DOK6: variants seen among roughly 807,000 people sequenced by gnomAD.
DOK6 encodes the protein downstream of tyrosine kinase 6.
In DOK6, 22 loss-of-function variants were observed where a neutral mutation model predicts 44.0. The ratio of observed to expected loss-of-function variants is 0.50; its 90% CI spans 0.36 to 0.71. DOK6 has a LOEUF of 0.71. Ranked by LOEUF, DOK6 falls within the 30% of genes least tolerant of loss-of-function variation. The pLI is 0.00. For missense variants in DOK6, 340 were observed against 416.4 expected (o/e 0.82, Z 1.60); for synonymous variants, 166 against 145.5 (o/e 1.14, Z -1.01).
intron 6 of DOK6, among the ~76,000 whole-genome samples, chr18:69,751,913 A>G (rs1979192802): frequency 6.6e-6 from 1 of 152,154 alleles, no homozygotes; most frequent in Admixed American, 6.5e-5. Flanking sequence ...TTATGTAAAA[A>G]AGGAAATAAA....
chr18:69,645,135 A>G (rs1200168296), intron 3 of DOK6, among the ~76,000 whole-genome samples: 2 of 152,190 alleles, frequency 1.3e-5, no homozygotes, highest in East Asian at 3.9e-4. Context: ...TTAATATGAT[A>G]CAATGTGTGT....
chr18:69,556,976 T>A (rs983845466), intron 1 of DOK6, among the ~76,000 whole-genome samples: 5 of 152,214 alleles, frequency 3.3e-5, no homozygotes, highest in African/African-American at 1.2e-4. Flanking sequence ...CATAAACCTG[T>A]AAATAACTCT....
chr18:69,468,245 A>T (rs1029674608), intron 1 of DOK6, among the ~76,000 whole-genome samples: 3 of 152,182 alleles, frequency 2.0e-5, no homozygotes, highest in African/African-American at 7.2e-5. Flanking sequence ...CAAATAATGA[A>T]TACTTATTTA....
chr18:69,811,134 G>T (rs188057776), intron 7 of DOK6, among the ~76,000 whole-genome samples: 68 of 152,076 alleles, frequency 4.5e-4, no homozygotes, highest in African/African-American at 1.5e-3. Context: ...GGCTTTAGAA[G>T]GAAATCCACC....
At chr18:69,734,544 T>A (rs1269952118) in intron 5 of DOK6, among the ~76,000 whole-genome samples, 2 of 152,198 alleles carry the variant, frequency 1.3e-5, no homozygotes. Context: ...TAATTAAACG[T>A]TAAATTTTAA....
intron 7 of DOK6, among the ~76,000 whole-genome samples, chr18:69,760,948 A>C (rs544374876): frequency 4.2e-4 from 41 of 97,228 alleles, no homozygotes; most frequent in African/African-American, 2.0e-3. Flanking sequence ...AATTATTACT[A>C]CTCCTGAAAT....
At chr18:69,697,635 A>AAT (rs755700439) in intron 4 of DOK6, among the ~76,000 whole-genome samples, 1 of 152,098 alleles carries the variant, frequency 6.6e-6, no homozygotes, top group South Asian at 2.1e-4. Flanking sequence ...CAAAAAAAAA[A>AAT]ATCTATTTAA....
At chr18:69,691,645 A>C (rs1218477540) in intron 4 of DOK6, among the ~76,000 whole-genome samples, 1 of 152,222 alleles carries the variant, frequency 6.6e-6, no homozygotes, top group Non-Finnish European at 1.5e-5. Context: ...TGTGATAGCC[A>C]AACAAGGAGA....
Position 69,401,156 on chromosome 18 carries a change from A to C in DOK6, c.-89A>C. On this transcript the variant is annotated 5_prime_UTR_variant, in exon 1 of 8. It removes an upstream start codon present in the reference 5' UTR. Transcript: ENST00000382713. ...GCTGCTGCTGGCGGCGGCCGGCTGG[A>C]TGCGAGACCCGCGCAGACCCGGCGG... is the stretch of plus-strand genomic sequence containing the variant. 1 of 1,318,158 alleles carries C rather than the reference A, an allele frequency of 7.6e-7. No homozygotes were observed. Among genetic ancestry groups the C allele is most frequent in the Non-Finnish European group, 9.8e-7 (1 of 1,015,486 alleles). 81.7% of individuals were successfully genotyped at this position (1,318,158 alleles called of 1,614,324 possible). A position where few individuals can be genotyped will look rare whatever the true frequency, so the allele number is the denominator to read the frequency against.
chr18:69,401,366 G>T, intron 1 of DOK6, 56 bp downstream of exon 1: 1 of 1,392,348 alleles, frequency 7.2e-7, no homozygotes, highest in Non-Finnish European at 9.4e-7. Context: ...CCGGCTGGCT[G>T]CCTGGGGGGG....
chr18:69,593,516 T>C (rs1467255706), intron 2 of DOK6, among the ~76,000 whole-genome samples: 1 of 152,228 alleles, frequency 6.6e-6, no homozygotes, highest in Non-Finnish European at 1.5e-5. Context: ...AAACCTTGCA[T>C]TATTCTAAAA....
At chr18:69,473,629 C>T (rs996249768) in intron 1 of DOK6, among the ~76,000 whole-genome samples, 1 of 152,286 alleles carries the variant, frequency 6.6e-6, no homozygotes, top group Middle Eastern at 3.4e-3. Context: ...CATAGTGGCT[C>T]GCTGGCAGAC....
intron 7 of DOK6, among the ~76,000 whole-genome samples, chr18:69,808,273 T>C (rs1014834698): frequency 2.0e-5 from 3 of 151,798 alleles, no homozygotes; most frequent in Admixed American, 2.0e-4. Context: ...CCAAAATTTA[T>C]GAGGGCCAGC....
rs147658471 is a variant in DOK6 at position 69,458,245 on chromosome 18, A to G, written c.66+56935A>G. 3.1e-3 allele frequency among the ~76,000 whole-genome samples: 470 copies of G among 152,346 alleles called. 9 individuals are homozygous for G. The East Asian group carries it at 0.044, about 14-fold the overall frequency. ...CTGGGATGCAAGGCTGGTTCAACATATGCAAATCAACAAATGTGATTCACC... is the reference window on the plus strand; with the variant it reads ...CTGGGATGCAAGGCTGGTTCAACATGTGCAAATCAACAAATGTGATTCACC... On this transcript the variant is annotated intron_variant, in intron 1 of 7. Transcript: ENST00000382713.
intron 7 of DOK6, among the ~76,000 whole-genome samples, chr18:69,796,986 G>T (rs1281255808): frequency 6.6e-6 from 1 of 152,138 alleles, no homozygotes; most frequent in Non-Finnish European, 1.5e-5. Context: ...GACTAAGCTG[G>T]ACTGTAGTGA....
At chr18:69,767,750 C>CATTCT (rs1979763146) in intron 7 of DOK6, among the ~76,000 whole-genome samples, 2 of 152,182 alleles carry the variant, frequency 1.3e-5, no homozygotes, top group Non-Finnish European at 2.9e-5. Flanking sequence ...TCTCACAGTG[C>CATTCT]ATTCTACTGG....
intron 3 of DOK6, among the ~76,000 whole-genome samples, chr18:69,668,719 G>T (rs1407638347): frequency 6.6e-6 from 1 of 152,018 alleles, no homozygotes; most frequent in East Asian, 1.9e-4. Context: ...TTGTTGTTTG[G>T]CTGGATTTGA....
intron 1 of DOK6, among the ~76,000 whole-genome samples, chr18:69,490,604 A>G (rs2144539252): frequency 6.6e-6 from 1 of 152,316 alleles, no homozygotes; most frequent in Non-Finnish European, 1.5e-5. Context: ...ACTTAAAAAA[A>G]TCTTAAGATC....
At chr18:69,600,803 A>G (rs1165515669) in intron 3 of DOK6, among the ~76,000 whole-genome samples, 1 of 152,202 alleles carries the variant, frequency 6.6e-6, no homozygotes, top group Non-Finnish European at 1.5e-5. Flanking sequence ...TTTGTTAAAG[A>G]ATGATATTTG....
Sources: gnomAD v4.1 joint callset for allele counts (sites outside exome capture counted in the v4.1 genomes callset) on GRCh38, gnomAD v4.1.1 for gene constraint, MANE v1.5 for transcripts, NCBI Gene and HGNC (gene_info 2026-07-23, HGNC 2026-07-21) for gene names.